The following DOCK1 variants were observed in gnomAD, a reference collection of about 807,000 sequenced individuals.
DOCK1 encodes dedicator of cytokinesis protein 1.
A neutral mutation model predicts 262.7 loss-of-function variants in DOCK1; 138 were observed. The ratio of observed to expected loss-of-function variants is 0.53; its 90% CI spans 0.46 to 0.61. The LOEUF (loss-of-function observed/expected upper bound fraction) is 0.61. DOCK1 is among the 20% of genes least tolerant of loss of function. DOCK1 has a pLI of 0.00. For missense variants in DOCK1, 1,908 were observed against 2,370.7 expected (o/e 0.80, Z 4.05); for synonymous variants, 866 against 867.4 (o/e 1.00, Z 0.03).
chr10:127,420,035 G>T (rs1359151559), intron 46 of DOCK1, among the ~76,000 whole-genome samples: 1 of 152,212 alleles, frequency 6.6e-6, no homozygotes, highest in Non-Finnish European at 1.5e-5. Context: ...TTCTCTGTCT[G>T]TATTGATAGA....
chr10:127,266,041 G>T (rs1400062306), intron 29 of DOCK1, among the ~76,000 whole-genome samples: 2 of 152,250 alleles, frequency 1.3e-5, no homozygotes, highest in Non-Finnish European at 2.9e-5. Flanking sequence ...ATGGGAGAGA[G>T]GGAAAAATTA....
chr10:127,286,712 C>T (rs921742110), intron 29 of DOCK1, among the ~76,000 whole-genome samples: 6 of 152,066 alleles, frequency 3.9e-5, no homozygotes, highest in South Asian at 4.1e-4. Context: ...AATTTTTTAA[C>T]ACCTCTATAT....
rs192147634 is a variant in DOCK1 at position 127,267,851 on chromosome 10, G to C, written c.3044+10422G>C. On this transcript the variant is annotated intron_variant, in intron 29 of 51. Transcript: ENST00000623213. Reference sequence around the variant, plus strand: ...CCTGTGCTACTGGGACTTGGAAGAAGGTCTGTGCAGTATAGGACCCTCTGG... The same window carrying C: ...CCTGTGCTACTGGGACTTGGAAGAACGTCTGTGCAGTATAGGACCCTCTGG... Among the ~76,000 whole-genome samples the C allele has an allele frequency of 3.3e-4, 51 of 152,322 alleles. No homozygotes were observed. In the East Asian group the frequency reaches 9.5e-3, roughly 28 times the overall value.
chr10:127,343,996 G>C (rs2063530592), intron 31 of DOCK1, among the ~76,000 whole-genome samples: 2 of 152,172 alleles, frequency 1.3e-5, no homozygotes, highest in Non-Finnish European at 2.9e-5. Context: ...CAGAATTTCA[G>C]CTTCCGGAGA....
chr10:127,351,843 A>G (rs2063895041), intron 31 of DOCK1, among the ~76,000 whole-genome samples: 1 of 151,802 alleles, frequency 6.6e-6, no homozygotes, highest in Non-Finnish European at 1.5e-5. Flanking sequence ...TCTTATTAAA[A>G]CCAAGGAAAA....
intron 22 of DOCK1, among the ~76,000 whole-genome samples, chr10:127,056,348 G>T (rs994767562): frequency 6.6e-6 from 1 of 152,046 alleles, no homozygotes; most frequent in African/African-American, 2.4e-5. Flanking sequence ...AGGACTACAG[G>T]CAGGTGCCAG....
intron 27 of DOCK1, among the ~76,000 whole-genome samples, chr10:127,196,823 C>A (rs904253983): frequency 1.5e-4 from 23 of 152,212 alleles, no homozygotes; most frequent in African/African-American, 5.5e-4. Context: ...TTCTGGGCTG[C>A]AGGCGGCGCT....
intron 27 of DOCK1, among the ~76,000 whole-genome samples, chr10:127,219,531 C>T (rs900017002): frequency 6.6e-6 from 1 of 152,138 alleles, no homozygotes; most frequent in Non-Finnish European, 1.5e-5. Context: ...TTTAAGTGTA[C>T]AGTTCAATAT....
chr10:127,441,217 G>A (rs139753835), intron 49 of DOCK1, among the ~76,000 whole-genome samples: 54 of 152,372 alleles, frequency 3.5e-4, no homozygotes, highest in African/African-American at 1.3e-3. Flanking sequence ...CACAGAGCCA[G>A]CACAGTGCAT....
intron 47 of DOCK1, among the ~76,000 whole-genome samples, chr10:127,428,906 G>GCTGTGTGGATTGGGGTA: frequency 6.9e-6 from 1 of 145,504 alleles, no homozygotes; most frequent in Non-Finnish European, 1.5e-5. Flanking sequence ...TGTGGATTGA[G>GCTGTGTGGATTGGGGTA]CCGTGTGGAT....
chr10:127,261,317 A>G (rs1436582013), intron 29 of DOCK1, among the ~76,000 whole-genome samples: 3 of 57,522 alleles, frequency 5.2e-5, no homozygotes, highest in South Asian at 5.7e-4. Flanking sequence ...GTGTGCCTGC[A>G]TGTGTGTGCA....
intron 29 of DOCK1, among the ~76,000 whole-genome samples, chr10:127,267,934 G>A (rs937573202): frequency 2.0e-5 from 3 of 152,248 alleles, no homozygotes; most frequent in Non-Finnish European, 4.4e-5. Flanking sequence ...CTGAGTCCTC[G>A]CAGGCTTGCC....
chr10:127,054,214 A>G (rs1161575700), intron 22 of DOCK1, among the ~76,000 whole-genome samples: 4 of 152,172 alleles, frequency 2.6e-5, no homozygotes, highest in African/African-American at 9.6e-5. Flanking sequence ...GTCTACCATG[A>G]TAGTAATAAG....
In DOCK1 at chr10:127,307,202, T is replaced by C. The variant is rs533599746; in HGVS notation, c.3045-31804T>C. ...TATTTAAGTCTTCTGTGTTGACAGC[T>C]GTCATTTGATGTGAGACAGGTGAAG... is the stretch of plus-strand genomic sequence containing the variant. On this transcript the variant is annotated intron_variant, in intron 29 of 51. Transcript: ENST00000623213. Among the ~76,000 whole-genome samples the C allele has an allele frequency of 5.9e-5, 9 of 152,360 alleles. No homozygotes were observed. In the South Asian group the frequency reaches 1.7e-3, roughly 28 times the overall value.
intron 18 of DOCK1, 126 bp downstream of exon 18, chr10:127,032,446 C>T: frequency 1.0e-6 from 1 of 995,848 alleles, no homozygotes; most frequent in Non-Finnish European, 1.4e-6. Flanking sequence ...GCATTCATTG[C>T]ATCGGGCTGT....
intron 28 of DOCK1, 150 bp from the exon 29 acceptor site, chr10:127,257,184 TC>T: frequency 1.6e-6 from 1 of 637,584 alleles, no homozygotes; most frequent in South Asian, 2.1e-5. Context: ...CAGGTCTAAT[TC>T]ACAGCTCCTA....
intron 51 of DOCK1, among the ~76,000 whole-genome samples, chr10:127,448,629 T>A (rs1403857749): frequency 6.6e-6 from 1 of 152,162 alleles, no homozygotes; most frequent in Non-Finnish European, 1.5e-5. Context: ...CTTTGACAAT[T>A]AAATCAGTGG....
chr10:127,446,472 A>G lies in DOCK1; in HGVS notation c.5414-922A>G, dbSNP rs1020936030. Among the ~76,000 whole-genome samples the G allele has an allele frequency of 6.6e-6, 1 of 152,168 alleles. No homozygotes were observed. The highest frequency in any genetic ancestry group is 2.4e-5 in the African/African-American group (1 of 41,446). The stretch of plus-strand genomic sequence containing the variant: ...TAAAATGGCAAATTTTATGTCGTGT[A>G]TATCTTACCACAATAATAGCAAAGA... On this transcript the variant is annotated intron_variant, in intron 50 of 51. Transcript: ENST00000623213. This position sits in a 1 kb window ranked among gnomAD's most constrained non-coding sequence, Gnocchi z 4.4.
chr10:127,096,864 T>C (rs2047938690), intron 23 of DOCK1, among the ~76,000 whole-genome samples: 1 of 152,072 alleles, frequency 6.6e-6, no homozygotes, highest in Admixed American at 6.6e-5. Flanking sequence ...CTCAGCACTT[T>C]GGGAGGCCAA....
Sources: allele counts gnomAD v4.1 joint callset (sites outside exome capture counted in the v4.1 genomes callset), GRCh38; gene constraint gnomAD v4.1.1; non-coding constraint Gnocchi (gnomAD v3.1); transcripts MANE v1.5; gene names NCBI Gene and HGNC (gene_info 2026-07-23, HGNC 2026-07-21).